The following MMP19 variants were observed in gnomAD, a reference collection of about 807,000 sequenced individuals.
MMP19 encodes the protein matrix metalloproteinase-19.
A neutral mutation model predicts 46.6 loss-of-function variants in MMP19; 47 were observed. That is an observed-to-expected ratio of 1.01 (90% CI 0.80 to 1.29). The LOEUF is 1.29. Among genes scored for constraint, MMP19 ranks in the 50% most tolerant of loss-of-function variants. The pLI is 0.00. For missense variants in MMP19, 589 were observed against 643.5 expected (o/e 0.92, Z 0.92); for synonymous variants, 222 against 248.5 (o/e 0.89, Z 1.00).
In MMP19 at chr12:55,838,544, G is replaced by T. The variant is rs1413115835; in HGVS notation, c.895+62C>A. On this transcript the variant is annotated intron_variant, in intron 6 of 8. Coordinates refer to ENST00000322569, the MANE Select transcript of MMP19 (RefSeq NM_002429.6). Reference sequence around the variant, plus strand: ...GTCCCATGTCACTCCCATTTGTCCAGGCCTCAGGATCAGCAGGCTGCCCCC... The same window carrying T: ...GTCCCATGTCACTCCCATTTGTCCATGCCTCAGGATCAGCAGGCTGCCCCC... 4.3e-6 allele frequency: 7 copies of T among 1,613,532 alleles called. 1 individual carries two copies. The South Asian group carries it at 7.7e-5, about 18-fold the overall frequency.
chr12:55,840,412 GGGAGGGAGAGAAGGAAGGGA>G (rs1881598277), intron 4 of MMP19, among the ~76,000 whole-genome samples: 1 of 140,694 alleles, frequency 7.1e-6, no homozygotes, highest in Non-Finnish European at 1.6e-5. Context: ...AAGGAAGGGA[GGGAGGGAGAGAAGGAAGGGA>G]GGGAGGGAAG....
chr12:55,841,467 G>A (rs1565699417), intron 2 of MMP19: 1 of 480,480 alleles, frequency 2.1e-6, no homozygotes, highest in African/African-American at 1.9e-5. Flanking sequence ...TCTTTTATTT[G>A]AGTAAGTTTG....
chr12:55,840,578 C>T, intron 4 of MMP19, 89 bp downstream of exon 4: 5 of 1,344,770 alleles, frequency 3.7e-6, no homozygotes, highest in Non-Finnish European at 5.2e-6. Context: ...AAAGAGCAGC[C>T]CAAACATCAA....
intron 5 of MMP19, among the ~76,000 whole-genome samples, chr12:55,839,241 CAAAAAAA>C (rs763182567): frequency 2.7e-4 from 16 of 58,786 alleles, no homozygotes; most frequent in African/African-American, 9.6e-4. Flanking sequence ...GGCTCTATCT[CAAAAAAA>C]AAAAAAAAAA....
At chr12:55,838,797 TC>T in intron 5 of MMP19, 63 bp from the exon 6 acceptor site, 1 of 1,410,826 alleles carries the variant, frequency 7.1e-7, no homozygotes, top group Non-Finnish European at 9.6e-7. Flanking sequence ...CACACCAGTC[TC>T]CTGTAAGTTT....
chr12:55,839,485 G>T lies in MMP19; in HGVS notation c.766+11C>A, dbSNP rs1881513611. ...GACTGACCCTCCCCCTCACTAGGGG[G>T]AGGGACTGACCATAGAGAGCCTGGA... is the stretch of plus-strand genomic sequence containing the variant. On this transcript the variant is annotated intron_variant, in intron 5 of 8. Coordinates refer to ENST00000322569, the MANE Select transcript of MMP19 (RefSeq NM_002429.6). The T allele has an allele frequency of 1.9e-6, 3 of 1,598,050 alleles. No homozygotes were observed. The highest frequency in any genetic ancestry group is 2.6e-6 in the Non-Finnish European group (3 of 1,168,400).
In MMP19 at chr12:55,838,620, T is replaced by C; in HGVS notation, c.881A>G (p.Asp294Gly). Residue 294 changes from aspartate to glycine, a missense_variant, in exon 6 of 9, where the codon GAT (aspartate) becomes GGT (glycine). Physicochemically the swap from Asp to Gly is moderately conservative, Grantham distance 94. Transcript: ENST00000322569. ...AGGGGCCTCACCCAGCATCATGGCA[T>C]CCAGTTCACTACTGCAAGGGTCTGG... ...PMPDPCSSEL[D>G]AMMLGPRGKT... The C allele has an allele frequency of 6.2e-7, 1 of 1,614,202 alleles. No individual in the cohort carries two copies. The highest frequency in any genetic ancestry group is 1.3e-5 in the African/African-American group (1 of 75,042).
rs780072719 is a variant in MMP19 at position 55,842,699 on chromosome 12, C to A, written c.87+45G>T. ...CTTCGATGGGGCTGTGGAGCAGTAA[C>A]CCCTGTCCCTCCGCTGGCCCAGGTC... is the stretch of plus-strand genomic sequence containing the variant. On this transcript the variant is annotated intron_variant, in intron 1 of 8. Transcript: ENST00000322569. 5 of 1,486,792 alleles carry A rather than the reference C, an allele frequency of 3.4e-6. No individual in the cohort carries two copies. In the Admixed American group the frequency reaches 7.6e-5, roughly 23 times the overall value. 92.1% of individuals were successfully genotyped at this position (1,486,792 alleles called of 1,614,324 possible).
Position 55,842,751 on chromosome 12 carries a change from G to A in MMP19, c.80C>T (p.Ala27Val), listed in dbSNP as rs143968044. ...CTTTCTTGGGGGACTTACCACAGGC[G>A]CCACCTCTGCAAGCCCCAGGACCCG... The part of the protein sequence containing the change: ...SGRVLGLAEV[A>V]PVDYLSQYGY... Residue 27 changes from alanine (A) to valine (V), a missense_variant, in exon 1 of 9, where the codon GCG becomes GTG. Transcript: ENST00000322569. 1.1e-5 allele frequency: 17 copies of A among 1,603,572 alleles called. No individual in the cohort carries two copies. The highest frequency in any genetic ancestry group is 3.4e-5 in the South Asian group (3 of 89,332).
chr12:55,840,565 G>A (rs1881610830), intron 4 of MMP19, 102 bp downstream of exon 4: 9 of 1,219,948 alleles, frequency 7.4e-6, no homozygotes, highest in Non-Finnish European at 1.0e-5. Flanking sequence ...GTGCAGGTGG[G>A]ATAAAGAGCA....
At chr12:55,842,164 C>T (rs1347197840) in intron 2 of MMP19, among the ~76,000 whole-genome samples, 189 bp downstream of exon 2, 1 of 152,116 alleles carries the variant, frequency 6.6e-6, no homozygotes, top group Non-Finnish European at 1.5e-5. Context: ...AGATCCAATG[C>T]CTGTATTCCT....
Position 55,837,997 on chromosome 12 carries a change from C to T in MMP19, c.906G>A (p.Gly302=). The change falls in exon 7 of 9, where the codon GGG becomes GGA. Residue 302 remains glycine, a synonymous_variant. Coordinates refer to ENST00000322569, the MANE Select transcript of MMP19 (RefSeq NM_002429.6). The part of the protein sequence containing the change: ...ELDAMMLGPR[G]KTYAFKGDYV... The stretch of plus-strand genomic sequence containing the variant: ...AGTCCCCCTTGAAAGCATAGGTCTT[C>T]CCACGGGGCCCTGAGCGTAATGGTG... 6.3e-7 allele frequency: 1 copy of T among 1,582,432 alleles called. No individual in the cohort carries two copies. Among genetic ancestry groups the T allele is most frequent in the Non-Finnish European group, 8.6e-7 (1 of 1,157,540 alleles).
At chr12:55,842,673 G>A (rs1344009852) in intron 1 of MMP19, 71 bp downstream of exon 1, 13 of 1,285,292 alleles carry the variant, frequency 1.0e-5, no homozygotes, top group Non-Finnish European at 1.4e-5. Context: ...CAGGAGGGAG[G>A]CTTCGATGGG....
At chr12:55,838,515 T>C in intron 6 of MMP19, 91 bp downstream of exon 6, 1 of 1,611,386 alleles carries the variant, frequency 6.2e-7, no homozygotes, top group African/African-American at 1.3e-5. Context: ...TTGCTCATGC[T>C]GAAGTCCCAT....
chr12:55,838,546 C>A, intron 6 of MMP19, 60 bp downstream of exon 6: 4 of 1,613,638 alleles, frequency 2.5e-6, no homozygotes, highest in Non-Finnish European at 3.4e-6. Context: ...TTTGTCCAGG[C>A]CTCAGGATCA....
chr12:55,837,361 C>G lies in MMP19; in HGVS notation c.1202G>C (p.Trp401Ser). Residue 401 changes from tryptophan to serine, a missense_variant, in exon 9 of 9, where the codon TGG becomes TCG. By Grantham distance (177) the Trp-to-Ser change is radical. Coordinates refer to ENST00000322569, the MANE Select transcript of MMP19 (RefSeq NM_002429.6). Reference sequence around the variant, plus strand: ...AGTTCGGGCTAGCTCGTCCCACTGCCAGTACCCGGAGCCCTGGATATGGGA... The same window carrying G: ...AGTTCGGGCTAGCTCGTCCCACTGCGAGTACCCGGAGCCCTGGATATGGGA... ...KVFLFKGSGYWQWDELARTDF... is the reference protein window; with the variant it reads ...KVFLFKGSGYSQWDELARTDF... 2 of 1,601,654 alleles carry G rather than the reference C, an allele frequency of 1.2e-6. No homozygotes were observed. Among genetic ancestry groups the G allele is most frequent in the Non-Finnish European group, 1.7e-6 (2 of 1,170,736 alleles).
In MMP19 at chr12:55,837,854, T is replaced by C. The variant is rs759775324; in HGVS notation, c.1049A>G (p.His350Arg). The change falls in exon 7 of 9, where the codon CAC becomes CGC. Residue 350 changes from histidine to arginine, a missense_variant. Transcript: ENST00000322569. ...ACTAGCCTCCTTACCCTTAAAGAAG[T>C]GAATCCATTGTGTTCGAGGCGAGTA... Reference protein sequence around the residue: ...AVYSPRTQWIHFFKGDKVWRY... With the variant: ...AVYSPRTQWIRFFKGDKVWRY... 2 of 1,605,582 alleles carry C rather than the reference T, an allele frequency of 1.2e-6. No homozygotes were observed. Among genetic ancestry groups the C allele is most frequent in the East Asian group, 4.5e-5 (2 of 44,616 alleles).
At chr12:55,837,441 C>G in intron 8 of MMP19, 67 bp from the exon 9 acceptor site, 1 of 1,572,770 alleles carries the variant, frequency 6.4e-7, no homozygotes. Context: ...CAGGGGTCCA[C>G]CCCCAGCCCA....
rs2136232248 is a variant in MMP19 at position 55,838,217 on chromosome 12, CAACAA to C, written c.896-215_896-211del. On this transcript the variant is annotated intron_variant, in intron 6 of 8. Coordinates refer to ENST00000322569, the MANE Select transcript of MMP19 (RefSeq NM_002429.6). ...CAGAGCGTTTCAGCTTTGGTCCACT[CAACAA>C]AACAAAAGCCCTGCAGATAGCTATT... 7.9e-6 allele frequency: 5 copies of C among 631,694 alleles called. No individual in the cohort carries two copies. In the South Asian group the frequency reaches 1.0e-4, roughly 13 times the overall value. 39.1% of individuals were successfully genotyped at this position (631,694 alleles called of 1,614,324 possible). A position where few individuals can be genotyped will look rare whatever the true frequency, so the allele number is the denominator to read the frequency against.
Sources: gnomAD v4.1 joint callset for allele counts (sites outside exome capture counted in the v4.1 genomes callset) on GRCh38, gnomAD v4.1.1 for gene constraint, MANE v1.5 for transcripts, NCBI Gene and HGNC (gene_info 2026-07-23, HGNC 2026-07-21) for gene names.